Variants in NDUFA10 observed in about 807,000 individuals in gnomAD.
NDUFA10 encodes NADH:ubiquinone oxidoreductase subunit A10.
Under a neutral mutation model 47.8 loss-of-function variants are expected in NDUFA10, and 40 were observed. The observed-to-expected ratio is 0.84, with a 90% CI of 0.65 to 1.09. The LOEUF is 1.09. Ranked by LOEUF, NDUFA10 falls within the 50% of genes least tolerant of loss-of-function variation. The pLI is 0.00. For synonymous variants in NDUFA10, 183 were observed against 172.2 expected (o/e 1.06, Z -0.49); for missense variants, 413 against 451.1 (o/e 0.92, Z 0.76).
At position 239,960,273 on chromosome 2, in the gene NDUFA10, C is replaced by T. The variant is rs1024217966; in HGVS notation, c.*845G>A. 4.1e-5 allele frequency: 40 copies of T among 985,486 alleles called. No homozygotes were observed. Among genetic ancestry groups the T allele is most frequent in the Non-Finnish European group, 4.3e-5 (36 of 830,106 alleles). The allele number at this position is 985,486 out of a possible 1,614,324, so 61.0% of individuals were successfully genotyped here. On this transcript the variant is annotated 3_prime_UTR_variant, in exon 10 of 10. Coordinates refer to ENST00000252711, the MANE Select transcript of NDUFA10 (RefSeq NM_004544.4). ...CTAAACCATGATGCTGAACCACAACCAGCTTGTTTTGGTTTTCTAGGCTTC... is the reference window on the plus strand; with the variant it reads ...CTAAACCATGATGCTGAACCACAACTAGCTTGTTTTGGTTTTCTAGGCTTC...
At chr2:239,902,935 G>T (rs1319591486) in intron 4 of NDUFA10, among the ~76,000 whole-genome samples, 1 of 152,278 alleles carries the variant, frequency 6.6e-6, no homozygotes, top group East Asian at 1.9e-4. Flanking sequence ...GAGACAGCAG[G>T]AGCCCAGCCA....
Position 240,018,456 on chromosome 2 carries a change from C to T in NDUFA10, c.547+97G>A, listed in dbSNP as rs544723339. On this transcript the variant is annotated intron_variant, in intron 4 of 9. Transcript: ENST00000252711. ...TAATGGCATTTATTCATCTATCTAACAGACATTCATAAACACAGTAAGTGC... is the reference window on the plus strand; with the variant it reads ...TAATGGCATTTATTCATCTATCTAATAGACATTCATAAACACAGTAAGTGC... 100 of 1,607,214 alleles carry T rather than the reference C, an allele frequency of 6.2e-5. No individual in the cohort carries two copies. The East Asian group carries it at 2.1e-3, about 33-fold the overall frequency.
chr2:239,899,013 AGG>A (rs1223424183), intron 4 of NDUFA10, among the ~76,000 whole-genome samples: 1 of 93,862 alleles, frequency 1.1e-5, no homozygotes, highest in East Asian at 3.1e-4. Context: ...GGTGTGATGG[AGG>A]GGAGTCATGG....
chr2:239,914,582 CACAT>C (rs1483193483), intron 4 of NDUFA10, among the ~76,000 whole-genome samples: 2 of 134,294 alleles, frequency 1.5e-5, no homozygotes, highest in East Asian at 4.2e-4. Context: ...ACACAGAGAA[CACAT>C]ACATACATAG....
At chr2:239,919,608 G>A (rs762379718) in intron 4 of NDUFA10, among the ~76,000 whole-genome samples, 39 of 152,190 alleles carry the variant, frequency 2.6e-4, no homozygotes, top group Non-Finnish European at 4.7e-4. Context: ...TGGGTGTGGG[G>A]TTATGGGTGA....
intron 9 of NDUFA10, chr2:239,969,610 G>A: frequency 2.1e-6 from 1 of 470,052 alleles, no homozygotes; most frequent in Non-Finnish European, 4.4e-6. Flanking sequence ...AATCTTTCCT[G>A]GATTCTTTCT....
chr2:240,022,146 T>C (rs773512181), intron 2 of NDUFA10, 26 bp downstream of exon 2: 6 of 1,589,616 alleles, frequency 3.8e-6, no homozygotes, highest in African/African-American at 1.3e-5. Flanking sequence ...GAAAAAGGTA[T>C]CATTCTGTGT....
At chr2:239,977,116 C>A (rs1695556650) in intron 9 of NDUFA10, among the ~76,000 whole-genome samples, 1 of 152,140 alleles carries the variant, frequency 6.6e-6, no homozygotes, top group Non-Finnish European at 1.5e-5. Context: ...AGACTGGAAG[C>A]CAGGTTCAGG....
chr2:240,002,685 T>C (rs1696775092), intron 8 of NDUFA10, among the ~76,000 whole-genome samples: 1 of 152,104 alleles, frequency 6.6e-6, no homozygotes, highest in Non-Finnish European at 1.5e-5. Flanking sequence ...GACCCCACAG[T>C]GTGCCTACCT....
intron 2 of NDUFA10, among the ~76,000 whole-genome samples, chr2:240,021,900 C>A (rs1276155456): frequency 6.6e-6 from 1 of 152,168 alleles, no homozygotes; most frequent in Non-Finnish European, 1.5e-5. Context: ...TGTGGAAGTG[C>A]CCTGCTTACA....
intron 4 of NDUFA10, among the ~76,000 whole-genome samples, chr2:239,929,627 C>T (rs1226952487): frequency 6.6e-6 from 1 of 150,840 alleles, no homozygotes; most frequent in Non-Finnish European, 1.5e-5. Flanking sequence ...CCTGCTCCTC[C>T]ACTGCTCTTG....
At chr2:240,025,025 G>A (rs1268603889) in intron 1 of NDUFA10, among the ~76,000 whole-genome samples, 1 of 152,208 alleles carries the variant, frequency 6.6e-6, no homozygotes, top group African/African-American at 2.4e-5. Flanking sequence ...AGATAAAATG[G>A]CCTGGAGAAG....
In NDUFA10 at chr2:239,990,102, G is replaced by A. The variant is rs1387102573; in HGVS notation, c.971C>T (p.Thr324Ile). ...LPEVTIGAHQTDRVLHQFREL... is the reference protein window; with the variant it reads ...LPEVTIGAHQIDRVLHQFREL... ...TCTGAACTGATGTAAGACACGGTCAGTCTGATGAGCTCCAATGGTGACTTC... is the reference window on the plus strand; with the variant it reads ...TCTGAACTGATGTAAGACACGGTCAATCTGATGAGCTCCAATGGTGACTTC... The change falls in exon 9 of 10, where the codon ACT becomes ATT. Residue 324 changes from threonine (T) to isoleucine (I), a missense_variant. Coordinates refer to ENST00000252711, the MANE Select transcript of NDUFA10 (RefSeq NM_004544.4). The A allele has an allele frequency of 2.5e-6, 4 of 1,613,156 alleles. No individual in the cohort carries two copies. Among genetic ancestry groups the A allele is most frequent in the African/African-American group, 1.3e-5 (1 of 75,006 alleles).
At position 240,009,457 on chromosome 2, in the gene NDUFA10, C is replaced by T. The variant is rs566267595; in HGVS notation, c.750-2087G>A. Among the ~76,000 whole-genome samples the T allele has an allele frequency of 3.2e-4, 49 of 152,316 alleles. No homozygotes were observed. The East Asian group carries it at 9.4e-3, about 29-fold the overall frequency. ...GGTAATGAGGAGAAAGACATGTACG[C>T]CTAAGATCTGGGTCATAAATATTGA... On this transcript the variant is annotated intron_variant, in intron 6 of 9. Coordinates refer to ENST00000252711, the MANE Select transcript of NDUFA10 (RefSeq NM_004544.4).
rs112055887 is a variant in NDUFA10, at chr2:240,016,258, G to A, written c.548-1398C>T. Among the ~76,000 whole-genome samples the A allele has an allele frequency of 2.0e-5, 3 of 152,086 alleles. No individual in the cohort carries two copies. Among genetic ancestry groups the A allele is most frequent in the Non-Finnish European group, 2.9e-5 (2 of 68,020 alleles). On this transcript the variant is annotated intron_variant, in intron 4 of 9. Transcript: ENST00000252711. This position sits in a 1 kb window ranked among gnomAD's most constrained non-coding sequence, Gnocchi z 4.4. Reference sequence around the variant, plus strand: ...CACCTGAGCATACAAACACAAACCCGCAGCCAGGCAGAGCACACGGGACCT... The same window carrying A: ...CACCTGAGCATACAAACACAAACCCACAGCCAGGCAGAGCACACGGGACCT...
Position 239,945,989 on chromosome 2 carries a change from A to G in NDUFA10, c.294+44085T>C, listed in dbSNP as rs1694446093. On this transcript the variant is annotated intron_variant, in intron 4 of 5. Transcript: ENST00000419408. The surrounding 1 kb of genome is among the most constrained non-coding windows in gnomAD (Gnocchi z 4.6). Reference sequence around the variant, plus strand: ...CTCACATAATGAGCTGCACCCCCAGACCAGGACAGGAGAGGAGGGCCCCAG... The same window carrying G: ...CTCACATAATGAGCTGCACCCCCAGGCCAGGACAGGAGAGGAGGGCCCCAG... Among the ~76,000 whole-genome samples the G allele has an allele frequency of 6.6e-6, 1 of 152,174 alleles. No individual in the cohort carries two copies. Among genetic ancestry groups the G allele is most frequent in the African/African-American group, 2.4e-5 (1 of 41,444 alleles).
intron 4 of NDUFA10, among the ~76,000 whole-genome samples, chr2:239,896,956 A>G (rs1226526936): frequency 1.3e-5 from 2 of 152,222 alleles, no homozygotes; most frequent in East Asian, 3.8e-4. Flanking sequence ...AAGAAGGAAA[A>G]TAACATATGT....
chr2:239,964,470 T>C (rs557305440), intron 9 of NDUFA10, among the ~76,000 whole-genome samples: 75 of 152,258 alleles, frequency 4.9e-4, no homozygotes, highest in African/African-American at 1.7e-3. Context: ...GTGTATTGTT[T>C]TAAGCTGCTA....
At chr2:239,896,496 A>G (rs1054800143) in intron 4 of NDUFA10, among the ~76,000 whole-genome samples, 5 of 152,210 alleles carry the variant, frequency 3.3e-5, no homozygotes, top group African/African-American at 9.7e-5. Flanking sequence ...GGTTGGGGGC[A>G]CTGCAGCCAA....
Sources: allele counts gnomAD v4.1 joint callset (sites outside exome capture counted in the v4.1 genomes callset), GRCh38; gene constraint gnomAD v4.1.1; non-coding constraint Gnocchi (gnomAD v3.1); transcripts MANE v1.5; gene names NCBI Gene and HGNC (gene_info 2026-07-23, HGNC 2026-07-21).